The following FGFR1 variants were observed in gnomAD, a reference collection of about 807,000 sequenced individuals.
FGFR1 encodes FGFR1/PLAG1 fusion.
A neutral mutation model predicts 93.7 loss-of-function variants in FGFR1; 18 were observed. The ratio of observed to expected loss-of-function variants is 0.19; its 90% CI spans 0.13 to 0.28. The LOEUF (loss-of-function observed/expected upper bound fraction) is 0.28, where lower values mean the gene tolerates loss of function less well. Among genes scored for constraint, FGFR1 ranks in the 10% least tolerant of loss-of-function variants. FGFR1 has a pLI of 1.00. For synonymous variants in FGFR1, 448 were observed against 429.3 expected (o/e 1.04, Z -0.54); for missense variants, 731 against 1,080.4 (o/e 0.68, Z 4.53).
intron 2 of FGFR1, among the ~76,000 whole-genome samples, chr8:38,445,540 G>A (rs950527700): frequency 6.6e-6 from 1 of 151,992 alleles, no homozygotes; most frequent in African/African-American, 2.4e-5. Context: ...CAATGAAATT[G>A]ACATTTCATT....
At chr8:38,467,158 C>A (rs1021784862) in intron 1 of FGFR1, among the ~76,000 whole-genome samples, 2 of 152,090 alleles carry the variant, frequency 1.3e-5, no homozygotes, top group African/African-American at 4.8e-5. Flanking sequence ...CAGATTGGGA[C>A]CGAACGGTCC....
rs747333248 is a variant in FGFR1 at position 38,418,234 on chromosome 8, C to T, written c.1424G>A (p.Arg475Gln). The stretch of plus-strand genomic sequence containing the variant: ...GGAGTCAAAGTATTATTACCTGTCC[C>T]GAGGCAGCTCCCAGCGAGGGTCTTC... ...LPEDPRWELP[R>Q]DRLVLGKPLG... The change falls in exon 10 of 18, where the codon CGG becomes CAG. Residue 475 changes from arginine (R) to glutamine (Q), a missense_variant. Transcript: ENST00000447712. 2.1e-5 allele frequency: 34 copies of T among 1,614,052 alleles called. No homozygotes were observed. The highest frequency in any genetic ancestry group is 3.3e-5 in the Admixed American group (2 of 60,008).
intron 2 of FGFR1, among the ~76,000 whole-genome samples, chr8:38,435,998 G>A (rs570146664): frequency 1.3e-5 from 2 of 152,342 alleles, no homozygotes; most frequent in African/African-American, 4.8e-5. Flanking sequence ...AGGGCATCTG[G>A]TATCTGGATT....
intron 7 of FGFR1, 189 bp from the exon 8 acceptor site, chr8:38,422,130 T>G: frequency 1.5e-6 from 1 of 658,512 alleles, no homozygotes; most frequent in Non-Finnish European, 2.7e-6. Context: ...GGTGAGACCC[T>G]GAGGGAAGAA....
intron 2 of FGFR1, among the ~76,000 whole-genome samples, chr8:38,434,115 A>G (rs1420799115): frequency 1.3e-5 from 2 of 152,234 alleles, no homozygotes; most frequent in Non-Finnish European, 2.9e-5. Flanking sequence ...TTAATGACCT[A>G]ATAATATTCA....
chr8:38,446,514 G>C (rs1829345876), intron 2 of FGFR1, among the ~76,000 whole-genome samples: 1 of 151,854 alleles, frequency 6.6e-6, no homozygotes, highest in Non-Finnish European at 1.5e-5. Context: ...CCAGGCCTAG[G>C]TGATCCTCCT....
chr8:38,418,599 A>G (rs1198354807), intron 9 of FGFR1: 1 of 586,722 alleles, frequency 1.7e-6, no homozygotes, highest in East Asian at 2.8e-5. Flanking sequence ...ACTCACCTTT[A>G]AAATAAGCAG....
rs2151343110 is a variant in FGFR1 at position 38,457,385 on chromosome 8, G to A, written c.62C>T (p.Ala21Val). 1 of 1,613,860 alleles carries A rather than the reference G, an allele frequency of 6.2e-7. No individual in the cohort carries two copies. Among genetic ancestry groups the A allele is most frequent in the Non-Finnish European group, 8.5e-7 (1 of 1,180,030 alleles). The change falls in exon 2 of 18, where the codon GCT becomes GTT. Residue 21 changes from alanine (A) to valine (V), a missense_variant. By Grantham distance (64) the Ala-to-Val change is moderately conservative. This residue lies in a region of FGFR1 where 212 missense variants were observed against 205.8 expected (regional missense o/e 1.03). Coordinates refer to ENST00000447712, the MANE Select transcript of FGFR1 (RefSeq NM_023110.3). ...AVLVTATLCT[A>V]RPSPTLPEQA... ...TTCAGGCAAGGTCGGGGACGGCCTA[G>A]CGGTGCAGAGTGTGGCTGTGACCAG...
chr8:38,411,654 T>C lies in FGFR1; in HGVS notation c.*1974A>G. 4.3e-6 allele frequency: 1 copy of C among 230,100 alleles called. No homozygotes were observed. Among genetic ancestry groups the C allele is most frequent in the East Asian group, 6.2e-5 (1 of 16,100 alleles). 14.3% of individuals were successfully genotyped at this position (230,100 alleles called of 1,614,324 possible). ...GCAGTAATCCAGCAAAATATAAGCTTTAATATAGCGACTGAGGAGTGGTAG... is the reference window on the plus strand; with the variant it reads ...GCAGTAATCCAGCAAAATATAAGCTCTAATATAGCGACTGAGGAGTGGTAG... On this transcript the variant is annotated 3_prime_UTR_variant, in exon 18 of 18. Coordinates refer to ENST00000447712, the MANE Select transcript of FGFR1 (RefSeq NM_023110.3).
At chr8:38,455,162 C>T (rs1476495310) in intron 2 of FGFR1, among the ~76,000 whole-genome samples, 1 of 151,872 alleles carries the variant, frequency 6.6e-6, no homozygotes, top group African/African-American at 2.4e-5. Context: ...TTTTTGTAGA[C>T]ACAGGGTCTC....
intron 1 of FGFR1, chr8:38,467,695 A>G: frequency 4.3e-6 from 1 of 233,232 alleles, no homozygotes; most frequent in Non-Finnish European, 8.5e-6. Context: ...CCGCCTCGCC[A>G]GCTCCCGAGC....
chr8:38,418,751 C>T, intron 9 of FGFR1: 1 of 330,052 alleles, frequency 3.0e-6, no homozygotes, highest in Non-Finnish European at 5.9e-6. Context: ...GCACAGGCTT[C>T]TGAGGGAACG....
At position 38,412,587 on chromosome 8, in the gene FGFR1, G is replaced by A; in HGVS notation, c.*1041C>T. On this transcript the variant is annotated 3_prime_UTR_variant, in exon 18 of 18. Transcript: ENST00000447712. ...GCAGGAGGTGCGTCGTGAGGTCTGG[G>A]TGCAGGACCTAGGAAGAAGAGGTTA... 4.3e-6 allele frequency: 1 copy of A among 233,626 alleles called. No individual in the cohort carries two copies. Among genetic ancestry groups the A allele is most frequent in the Non-Finnish European group, 8.5e-6 (1 of 118,040 alleles). 14.5% of individuals were successfully genotyped at this position (233,626 alleles called of 1,614,324 possible).
chr8:38,446,195 C>T (rs967892463), intron 2 of FGFR1, among the ~76,000 whole-genome samples: 14 of 151,148 alleles, frequency 9.3e-5, no homozygotes, highest in Admixed American at 5.9e-4. Context: ...CTGACTCAGC[C>T]CTCTCCCACC....
chr8:38,418,070 C>T (rs2150663609), intron 10 of FGFR1, 79 bp from the exon 11 acceptor site: 1 of 1,610,740 alleles, frequency 6.2e-7, no homozygotes, highest in Non-Finnish European at 8.5e-7. Flanking sequence ...CTCCACCTCT[C>T]TGTATTTCAC....
chr8:38,450,192 G>T (rs966837032), intron 2 of FGFR1, among the ~76,000 whole-genome samples: 2 of 152,212 alleles, frequency 1.3e-5, no homozygotes, highest in Non-Finnish European at 2.9e-5. Context: ...GAGTATGGTG[G>T]GTGGGGAGAA....
At chr8:38,422,643 C>A in intron 7 of FGFR1, 1 of 289,682 alleles carries the variant, frequency 3.5e-6, no homozygotes, top group Non-Finnish European at 6.5e-6. Context: ...TTCAAGCGAT[C>A]CTCCCACCTC....
intron 2 of FGFR1, 129 bp from the exon 3 acceptor site, chr8:38,430,077 C>T (rs1822426104): frequency 2.2e-6 from 2 of 905,406 alleles, no homozygotes; most frequent in Admixed American, 2.6e-5. Flanking sequence ...GCATCACTTA[C>T]TGGAGGCTAC....
chr8:38,452,192 G>GACACACAGAC (rs1423715900), intron 2 of FGFR1, among the ~76,000 whole-genome samples: 1 of 91,482 alleles, frequency 1.1e-5, no homozygotes, highest in Non-Finnish European at 2.2e-5. Context: ...CAGACACACA[G>GACACACAGAC]ACACACAGAC....
Sources: allele counts gnomAD v4.1 joint callset (sites outside exome capture counted in the v4.1 genomes callset), GRCh38; gene constraint gnomAD v4.1.1; regional missense constraint gnomAD v4.1.1; transcripts MANE v1.5; gene names NCBI Gene and HGNC (gene_info 2026-07-23, HGNC 2026-07-21).